The following GALNT9 variants were observed in gnomAD, a reference collection of about 807,000 sequenced individuals.
GALNT9 encodes the protein polypeptide N-acetylgalactosaminyltransferase 9.
A neutral mutation model predicts 63.1 loss-of-function variants in GALNT9; 47 were observed. That is an observed-to-expected ratio of 0.75 (90% CI 0.59 to 0.95). The LOEUF is 0.95. Ranked by LOEUF, GALNT9 falls within the 40% of genes least tolerant of loss-of-function variation. The pLI, the probability that GALNT9 is intolerant of heterozygous loss-of-function variation, is 0.00. For synonymous variants in GALNT9, 396 were observed against 365.7 expected (o/e 1.08, Z -0.94); for missense variants, 829 against 874.8 (o/e 0.95, Z 0.66).
intron 6 of GALNT9, among the ~76,000 whole-genome samples, chr12:132,235,724 G>A: frequency 8.1e-6 from 1 of 123,154 alleles, no homozygotes; most frequent in South Asian, 3.1e-4. Flanking sequence ...GGGCAGGAGG[G>A]TCCCCCGGGC....
chr12:132,264,655 C>T (rs575494384), intron 2 of GALNT9, among the ~76,000 whole-genome samples: 41 of 152,326 alleles, frequency 2.7e-4, no homozygotes, highest in African/African-American at 9.1e-4. Flanking sequence ...TCCCAGGACA[C>T]GCAGGAAAAG....
intron 5 of GALNT9, among the ~76,000 whole-genome samples, chr12:132,250,553 G>A (rs1435640321): frequency 2.0e-5 from 3 of 152,242 alleles, no homozygotes; most frequent in East Asian, 3.8e-4. Flanking sequence ...ACTTTGGGAT[G>A]CCAAGGCAGG....
rs78898781 is a variant in GALNT9, at chr12:132,262,006, G to A, written c.586+453C>T. Among the ~76,000 whole-genome samples, 750 of 152,326 alleles carry A rather than the reference G, an allele frequency of 4.9e-3. 4 individuals are homozygous for A. The highest frequency in any genetic ancestry group is 0.017 in the African/African-American group (697 of 41,568). On this transcript the variant is annotated intron_variant, in intron 3 of 10. Coordinates refer to ENST00000328957, the MANE Select transcript of GALNT9 (RefSeq NM_001122636.2). ...TCTGTGGGCAAGAGAGGTGGGAGGC[G>A]TGACTGGCACTCTGGAGAGCTCAGC... is the stretch of plus-strand genomic sequence containing the variant.
At chr12:132,295,633 C>T (rs1444933474) in intron 1 of GALNT9, among the ~76,000 whole-genome samples, 1 of 152,238 alleles carries the variant, frequency 6.6e-6, no homozygotes, top group Non-Finnish European at 1.5e-5. Context: ...GCCCAGGTCA[C>T]CAGGAGCTGG....
chr12:132,226,158 C>T (rs1877674569), intron 6 of GALNT9, among the ~76,000 whole-genome samples: 1 of 145,980 alleles, frequency 6.9e-6, no homozygotes, highest in African/African-American at 2.7e-5. Flanking sequence ...CACACATACA[C>T]CCCATACACA....
chr12:132,201,798 T>G (rs1327148338), intron 7 of GALNT9, among the ~76,000 whole-genome samples: 1 of 152,160 alleles, frequency 6.6e-6, no homozygotes, highest in Non-Finnish European at 1.5e-5. Flanking sequence ...CCTTTCCTGG[T>G]CCCTGCCCAG....
At chr12:132,281,530 A>T (rs78260603) in intron 2 of GALNT9, among the ~76,000 whole-genome samples, 1,904 of 152,324 alleles carry the variant, frequency 0.012, 37 homozygotes, top group South Asian at 0.099. Context: ...GGAGGCAGAG[A>T]GCTGTGTGCC....
chr12:132,315,723 G>A lies in GALNT9; in HGVS notation c.238+13243C>T, dbSNP rs1403465157. ...AGGCTGCGCATCCACACTCAGCCCT[G>A]GTGTCCTTGCGGGAACACAGGGTCC... On this transcript the variant is annotated intron_variant, in intron 1 of 10. Coordinates refer to ENST00000328957, the MANE Select transcript of GALNT9 (RefSeq NM_001122636.2). This position sits in a 1 kb window ranked among gnomAD's most constrained non-coding sequence, Gnocchi z 6.1. 6.6e-6 allele frequency among the ~76,000 whole-genome samples: 1 copy of A among 152,174 alleles called. No individual in the cohort carries two copies.
chr12:132,311,866 GT>G (rs1277073081), intron 1 of GALNT9, among the ~76,000 whole-genome samples: 1 of 152,204 alleles, frequency 6.6e-6, no homozygotes, highest in Non-Finnish European at 1.5e-5. Context: ...CAGGCAGAGT[GT>G]CCCACCAGCT....
rs561315726 is a variant in GALNT9, at chr12:132,201,140, GTGT to G, written c.1382_1384del (p.Asn461del). 4.3e-6 allele frequency: 7 copies of G among 1,613,420 alleles called. No homozygotes were observed. The highest frequency in any genetic ancestry group is 2.7e-5 in the African/African-American group (2 of 75,038). On this transcript the variant is annotated inframe_deletion, in exon 8 of 11. Transcript: ENST00000328957. Reference sequence around the variant, plus strand: ...AGGTGCTACCTCTCCGTACGTGAGGGTGTTGTTGTAGACCCTCATCTCCGGGTA... The same window carrying G: ...AGGTGCTACCTCTCCGTACGTGAGGGTGTTGTAGACCCTCATCTCCGGGTA...
chr12:132,285,448 C>T (rs1182613210), intron 2 of GALNT9, among the ~76,000 whole-genome samples: 1 of 152,272 alleles, frequency 6.6e-6, no homozygotes, highest in African/African-American at 2.4e-5. Flanking sequence ...CGGCTACTCC[C>T]TCAGGGCAGG....
At position 132,197,033 on chromosome 12, in the gene GALNT9, A is replaced by G; in HGVS notation, c.*74T>C. On this transcript the variant is annotated 3_prime_UTR_variant, in exon 11 of 11. Coordinates refer to ENST00000328957, the MANE Select transcript of GALNT9 (RefSeq NM_001122636.2). ...CTGTCCTGCTGTGTCTGCCGGGCAC[A>G]CCCCGGTCACTCAGCCACACTGGCT... is the stretch of plus-strand genomic sequence containing the variant. The G allele has an allele frequency of 6.3e-7, 1 of 1,584,584 alleles. No homozygotes were observed. The highest frequency in any genetic ancestry group is 8.6e-7 in the Non-Finnish European group (1 of 1,163,452).
chr12:132,314,531 G>A (rs782024763), intron 1 of GALNT9, among the ~76,000 whole-genome samples: 1 of 152,148 alleles, frequency 6.6e-6, no homozygotes, highest in Non-Finnish European at 1.5e-5. Context: ...CACCCCATTG[G>A]GATTAGGACT....
At position 132,297,104 on chromosome 12, in the gene GALNT9, T is replaced by A. The variant is rs1039704114; in HGVS notation, c.239-10674A>T. Among the ~76,000 whole-genome samples the A allele has an allele frequency of 4.0e-5, 6 of 151,312 alleles. No homozygotes were observed. The South Asian group carries it at 1.3e-3, about 32-fold the overall frequency. Reference sequence around the variant, plus strand: ...CTCACTCCCGAGATAACCAACTCACTCCCAAGATGATCAAGTCACTCCCAC... The same window carrying A: ...CTCACTCCCGAGATAACCAACTCACACCCAAGATGATCAAGTCACTCCCAC... On this transcript the variant is annotated intron_variant, in intron 1 of 10. Transcript: ENST00000328957.
At chr12:132,258,349 T>C (rs1879222149) in intron 4 of GALNT9, among the ~76,000 whole-genome samples, 1 of 152,162 alleles carries the variant, frequency 6.6e-6, no homozygotes, top group Admixed American at 6.5e-5. Context: ...TTCCCACAAA[T>C]TGGAATACAA....
intron 6 of GALNT9, chr12:132,205,242 C>T (rs1250620286): frequency 6.6e-6 from 1 of 152,342 alleles, no homozygotes; most frequent in African/African-American, 2.4e-5. Context: ...CAGCCCACCC[C>T]AGAGGCCCAG....
In GALNT9 at chr12:132,196,928, C is replaced by T. The variant is rs950885405; in HGVS notation, c.*179G>A. Reference sequence around the variant, plus strand: ...GCCTGTCCTAGGAGAAGCTGTACTCCAGATGCAGTGGGTGACACCCTGGTC... The same window carrying T: ...GCCTGTCCTAGGAGAAGCTGTACTCTAGATGCAGTGGGTGACACCCTGGTC... On this transcript the variant is annotated 3_prime_UTR_variant, in exon 11 of 11. Coordinates refer to ENST00000328957, the MANE Select transcript of GALNT9 (RefSeq NM_001122636.2). The T allele has an allele frequency of 3.5e-6, 5 of 1,439,806 alleles. No individual in the cohort carries two copies. The highest frequency in any genetic ancestry group is 2.9e-5 in the African/African-American group (2 of 69,658). The allele number at this position is 1,439,806 out of a possible 1,614,324, so 89.2% of individuals were successfully genotyped here. A position where few individuals can be genotyped will look rare whatever the true frequency, so the allele number is the denominator to read the frequency against.
At chr12:132,313,654 C>T (rs117379537) in intron 1 of GALNT9, among the ~76,000 whole-genome samples, 6,412 of 145,318 alleles carry the variant, frequency 0.044, 275 homozygotes, top group East Asian at 0.11. Flanking sequence ...ATCCATCCAT[C>T]CACATATCCA....
intron 1 of GALNT9, among the ~76,000 whole-genome samples, chr12:132,317,262 G>T (rs1555245789): frequency 6.6e-6 from 1 of 151,864 alleles, no homozygotes; most frequent in Non-Finnish European, 1.5e-5. Flanking sequence ...CATACCCCAT[G>T]GAGCACAGCC....
Sources: gnomAD v4.1 joint callset for allele counts (sites outside exome capture counted in the v4.1 genomes callset) on GRCh38, gnomAD v4.1.1 for gene constraint, Gnocchi (gnomAD v3.1) non-coding constraint, MANE v1.5 for transcripts, NCBI Gene and HGNC (gene_info 2026-07-23, HGNC 2026-07-21) for gene names.